PTBP3: variants seen among roughly 807,000 people sequenced by gnomAD.
The protein encoded by PTBP3 is polypyrimidine tract-binding protein 3.
PTBP3 carries 20 observed loss-of-function variants against 58.7 expected under a neutral mutation model. The observed-to-expected ratio is 0.34, with a 90% CI of 0.24 to 0.50. The LOEUF is 0.50. Ranked by LOEUF, PTBP3 falls within the 20% of genes least tolerant of loss-of-function variation. The probability of loss-of-function intolerance (pLI) is 0.98; values close to 1 mark genes in which losing one functional copy is unlikely to be tolerated. For synonymous variants in PTBP3, 185 were observed against 219.8 expected (o/e 0.84, Z 1.40); for missense variants, 509 against 637.2 (o/e 0.80, Z 2.17).
At chr9:112,260,067 C>T (rs1836527384) in intron 5 of PTBP3, among the ~76,000 whole-genome samples, 1 of 152,018 alleles carries the variant, frequency 6.6e-6, no homozygotes, top group Non-Finnish European at 1.5e-5. Flanking sequence ...GCCAGCACAC[C>T]CGGCTAATTT....
At chr9:112,235,927 G>A (rs1307306817) in intron 7 of PTBP3, among the ~76,000 whole-genome samples, 1 of 152,084 alleles carries the variant, frequency 6.6e-6, no homozygotes, top group East Asian at 1.9e-4. Context: ...AGTTTCAAAA[G>A]GGGGATAGGG....
intron 2 of PTBP3, among the ~76,000 whole-genome samples, chr9:112,292,989 A>C (rs1009291908): frequency 2.4e-4 from 36 of 152,332 alleles, no homozygotes; most frequent in African/African-American, 7.9e-4. Flanking sequence ...GCAACACTAC[A>C]TATAAAATGG....
chr9:112,233,256 T>C (rs920188867), intron 8 of PTBP3, among the ~76,000 whole-genome samples: 5 of 149,688 alleles, frequency 3.3e-5, no homozygotes, highest in African/African-American at 4.9e-5. Context: ...AAGAGCACAG[T>C]TGAGCTACAC....
At chr9:112,228,851 C>G (rs1835093615) in intron 10 of PTBP3, among the ~76,000 whole-genome samples, 1 of 152,202 alleles carries the variant, frequency 6.6e-6, no homozygotes, top group South Asian at 2.1e-4. Context: ...TCACCAGCAC[C>G]CATTGATTCT....
rs1321500985 is a variant in PTBP3 at position 112,262,576 on chromosome 9, A to T, written c.375T>A (p.Ala125=). Residue 125 remains alanine, a synonymous_variant, in exon 5 of 14, where the codon GCT becomes GCA. Coordinates refer to ENST00000374257, the MANE Select transcript of PTBP3 (RefSeq NM_001163788.4). ...GGCTTCCTGATTGGACGGCACTGAC[A>T]GCCTGCAGTGCAGCTTGGGCTCGCT... The part of the protein sequence containing the change: ...NQARAQAALQ[A]VSAVQSGSLA... 1 of 1,606,944 alleles carries T rather than the reference A, an allele frequency of 6.2e-7. No individual in the cohort carries two copies. The highest frequency in any genetic ancestry group is 1.7e-5 in the Admixed American group (1 of 58,482).
At chr9:112,370,854 T>C in the PTBP3 span, among the ~76,000 whole-genome samples, 2 of 152,192 alleles carry the variant, frequency 1.3e-5, no homozygotes, top group Non-Finnish European at 1.5e-5. Context: ...TTTGGCTAAA[T>C]TTATTCCATG....
chr9:112,268,913 A>C (rs2132163481), intron 3 of PTBP3, among the ~76,000 whole-genome samples: 1 of 152,162 alleles, frequency 6.6e-6, no homozygotes, highest in South Asian at 2.1e-4. Context: ...AGTGAGGCTA[A>C]GGCTGGGCAC....
At chr9:112,301,456 GA>G (rs58210600) in intron 1 of PTBP3, among the ~76,000 whole-genome samples, 122,744 of 148,094 alleles carry the variant, frequency 0.83, 50,863 homozygotes, top group South Asian at 0.92. Context: ...CTGAAAAAAA[GA>G]AAAAAAAAAA....
At chr9:112,265,187 T>A (rs1376066407) in intron 4 of PTBP3, among the ~76,000 whole-genome samples, 1 of 151,508 alleles carries the variant, frequency 6.6e-6, no homozygotes, top group Non-Finnish European at 1.5e-5. Flanking sequence ...GAGTAAGAAA[T>A]AAGATCTTGC....
the PTBP3 span, among the ~76,000 whole-genome samples, chr9:112,360,589 C>G: frequency 2.3e-3 from 349 of 152,280 alleles, 3 homozygotes; most frequent in South Asian, 0.02. Context: ...CCATTGAAAT[C>G]ATCTGCTCTG....
At chr9:112,302,487 G>A (rs1828979740) in intron 1 of PTBP3, among the ~76,000 whole-genome samples, 2 of 151,126 alleles carry the variant, frequency 1.3e-5, no homozygotes, top group African/African-American at 4.8e-5. Context: ...AGAGACACTT[G>A]AGATTACCAG....
At chr9:112,363,752 C>G in the PTBP3 span, among the ~76,000 whole-genome samples, 9 of 152,022 alleles carry the variant, frequency 5.9e-5, no homozygotes, top group African/African-American at 2.2e-4. Context: ...AAAAATTGAG[C>G]AAAAAGTACT....
intron 4 of PTBP3, among the ~76,000 whole-genome samples, chr9:112,267,550 G>A (rs1480129074): frequency 6.6e-6 from 1 of 152,126 alleles, no homozygotes; most frequent in Non-Finnish European, 1.5e-5. Flanking sequence ...AACATGGGAA[G>A]ACACAAAAGA....
chr9:112,277,982 G>A (rs1827699480), intron 2 of PTBP3, among the ~76,000 whole-genome samples: 1 of 147,850 alleles, frequency 6.8e-6, no homozygotes, highest in South Asian at 2.1e-4. Flanking sequence ...ATAACATAAT[G>A]TATATCATGT....
chr9:112,254,822 A>G (rs551577735), intron 5 of PTBP3, among the ~76,000 whole-genome samples: 19 of 152,338 alleles, frequency 1.2e-4, no homozygotes, highest in African/African-American at 4.1e-4. Flanking sequence ...TTTCCTTAAA[A>G]AATTAAAAAT....
At chr9:112,332,818 G>C (rs764821664) in intron 1 of PTBP3, 2 of 1,612,344 alleles carry the variant, frequency 1.2e-6, no homozygotes, top group African/African-American at 1.3e-5. Flanking sequence ...CTTGGGGAGA[G>C]AGAAAGGTGA....
the PTBP3 span, among the ~76,000 whole-genome samples, chr9:112,357,465 C>T: frequency 6.6e-6 from 1 of 152,100 alleles, no homozygotes; most frequent in Non-Finnish European, 1.5e-5. Context: ...GATCCTCTTA[C>T]CTCAGCCTCC....
intron 1 of PTBP3, among the ~76,000 whole-genome samples, chr9:112,304,773 C>T (rs1224546167): frequency 6.6e-6 from 1 of 152,058 alleles, no homozygotes; most frequent in Non-Finnish European, 1.5e-5. Context: ...TTTTATTATA[C>T]TTTACTCTAC....
rs1361210601 is a variant in PTBP3 at position 112,252,592 on chromosome 9, T to C, written c.627+86A>G. Reference sequence around the variant, plus strand: ...ACATGTATATTTTGCCACAATTTTTTTAAAAACACATGGTAAAGTGGGGCA... The same window carrying C: ...ACATGTATATTTTGCCACAATTTTTCTAAAAACACATGGTAAAGTGGGGCA... On this transcript the variant is annotated intron_variant, in intron 6 of 13. Coordinates refer to ENST00000374257, the MANE Select transcript of PTBP3 (RefSeq NM_001163788.4). The C allele has an allele frequency of 3.9e-6, 4 of 1,032,718 alleles. No homozygotes were observed. In the East Asian group the frequency reaches 7.2e-5, roughly 19 times the overall value. The allele number at this position is 1,032,718 out of a possible 1,614,324, so 64.0% of individuals were successfully genotyped here.
Sources: allele counts gnomAD v4.1 joint callset (sites outside exome capture counted in the v4.1 genomes callset), GRCh38; gene constraint gnomAD v4.1.1; transcripts MANE v1.5; gene names NCBI Gene and HGNC (gene_info 2026-07-23, HGNC 2026-07-21).